Variants in EPHA6 observed in about 807,000 individuals in gnomAD.
The protein encoded by EPHA6 is EPH receptor A6.
A neutral mutation model predicts 112.0 loss-of-function variants in EPHA6; 50 were observed. The ratio of observed to expected loss-of-function variants is 0.45; its 90% CI spans 0.36 to 0.56. The LOEUF is 0.56. Among genes scored for constraint, EPHA6 ranks in the 20% least tolerant of loss-of-function variants. The pLI is 0.00. For synonymous variants in EPHA6, 529 were observed against 490.7 expected (o/e 1.08, Z -1.03); for missense variants, 1,280 against 1,417.4 (o/e 0.90, Z 1.56).
At position 97,753,419 on chromosome 3, in the gene EPHA6, C is replaced by G; in HGVS notation, c.*4718C>G. Among the ~76,000 whole-genome samples, 1 of 152,114 alleles carries G rather than the reference C, an allele frequency of 6.6e-6. No homozygotes were observed. On this transcript the variant is annotated 3_prime_UTR_variant, in exon 18 of 18. Coordinates refer to ENST00000389672, the MANE Select transcript of EPHA6 (RefSeq NM_001080448.3). ...AAATGGAAAGAAATATTTTGGACCTCAAATTCTCATAGTATTCTTCCGAAA... is the reference window on the plus strand; with the variant it reads ...AAATGGAAAGAAATATTTTGGACCTGAAATTCTCATAGTATTCTTCCGAAA...
intron 3 of EPHA6, among the ~76,000 whole-genome samples, chr3:97,101,622 C>G (rs2047406466): frequency 6.6e-6 from 1 of 151,970 alleles, no homozygotes; most frequent in South Asian, 2.1e-4. Flanking sequence ...AGGGATACAC[C>G]TGAGCACTGA....
intron 5 of EPHA6, among the ~76,000 whole-genome samples, chr3:97,371,862 G>T (rs2085077264): frequency 6.6e-6 from 1 of 152,120 alleles, no homozygotes. Context: ...GTACATAAGG[G>T]ATGAAATAAG....
chr3:97,615,346 G>A (rs1273968044), intron 13 of EPHA6, among the ~76,000 whole-genome samples: 2 of 152,124 alleles, frequency 1.3e-5, no homozygotes, highest in African/African-American at 4.8e-5. Context: ...ACAGAGTCCT[G>A]GGAGCTTTAT....
intron 14 of EPHA6, among the ~76,000 whole-genome samples, chr3:97,678,761 T>G (rs9845818): frequency 0.011 from 1,713 of 152,318 alleles, 33 homozygotes; most frequent in African/African-American, 0.038. Flanking sequence ...AAAATTATGA[T>G]TATTACTTTT....
intron 5 of EPHA6, among the ~76,000 whole-genome samples, chr3:97,248,922 C>A (rs1576766457): frequency 6.6e-6 from 1 of 151,960 alleles, no homozygotes; most frequent in African/African-American, 2.4e-5. Context: ...TGTAAACATT[C>A]ATTTGTCTTT....
At position 96,820,090 on chromosome 3, in the gene EPHA6, G is replaced by C. The variant is rs139815076; in HGVS notation, c.385+5082G>C. Among the ~76,000 whole-genome samples, 300 of 152,154 alleles carry C rather than the reference G, an allele frequency of 2.0e-3. 3 individuals carry two copies. Among genetic ancestry groups the C allele is most frequent in the African/African-American group, 6.8e-3 (281 of 41,536 alleles). Reference sequence around the variant, plus strand: ...CATATAGTGGAAACTGACTGAGCAAGGGTCTCGAAGAGAAATGAGCTTGAC... The same window carrying C: ...CATATAGTGGAAACTGACTGAGCAACGGTCTCGAAGAGAAATGAGCTTGAC... On this transcript the variant is annotated intron_variant, in intron 1 of 17. Transcript: ENST00000389672.
At chr3:97,005,548 C>A (rs2107921101) in intron 3 of EPHA6, among the ~76,000 whole-genome samples, 1 of 152,190 alleles carries the variant, frequency 6.6e-6, no homozygotes, top group Middle Eastern at 3.4e-3. Flanking sequence ...AATATAAAAT[C>A]ATGTCGTCTA....
chr3:96,896,914 A>T (rs1049237276), intron 2 of EPHA6, among the ~76,000 whole-genome samples: 1 of 152,186 alleles, frequency 6.6e-6, no homozygotes, highest in Non-Finnish European at 1.5e-5. Context: ...TTCTTAAAAA[A>T]GTTACCACAA....
intron 5 of EPHA6, among the ~76,000 whole-genome samples, chr3:97,290,022 T>G (rs2080621033): frequency 6.6e-6 from 1 of 152,118 alleles, no homozygotes; most frequent in African/African-American, 2.4e-5. Context: ...TTCTTCTTCT[T>G]TATCTAGTTT....
intron 3 of EPHA6, among the ~76,000 whole-genome samples, chr3:97,048,490 T>G (rs1393708481): frequency 1.3e-5 from 2 of 152,180 alleles, no homozygotes; most frequent in Non-Finnish European, 2.9e-5. Context: ...GAATTGAATG[T>G]AATTGAACAT....
At chr3:97,658,897 A>T (rs886797343) in intron 14 of EPHA6, among the ~76,000 whole-genome samples, 1 of 151,934 alleles carries the variant, frequency 6.6e-6, no homozygotes, top group Non-Finnish European at 1.5e-5. Flanking sequence ...GGAACCCAGG[A>T]CATTTGGAAA....
At chr3:97,606,491 T>G (rs989916489) in intron 12 of EPHA6, among the ~76,000 whole-genome samples, 5 of 151,246 alleles carry the variant, frequency 3.3e-5, no homozygotes, top group Non-Finnish European at 5.9e-5. Context: ...CAAAAGGGTT[T>G]CAAACCTGGA....
At chr3:97,503,686 C>T (rs552330670) in intron 10 of EPHA6, among the ~76,000 whole-genome samples, 10 of 152,254 alleles carry the variant, frequency 6.6e-5, no homozygotes, top group South Asian at 2.1e-4. Flanking sequence ...CTAATTTTGT[C>T]GCCATTCCCC....
intron 14 of EPHA6, among the ~76,000 whole-genome samples, chr3:97,711,687 G>T (rs2033975285): frequency 6.6e-6 from 1 of 152,114 alleles, no homozygotes; most frequent in African/African-American, 2.4e-5. Context: ...CCACTCTTTT[G>T]TTCTATCTGG....
intron 2 of EPHA6, among the ~76,000 whole-genome samples, chr3:96,933,342 TTTAA>T (rs766733634): frequency 5.9e-5 from 9 of 152,224 alleles, no homozygotes; most frequent in Non-Finnish European, 8.8e-5. Context: ...TAACAATATA[TTTAA>T]TTATTGTATT....
intron 2 of EPHA6, among the ~76,000 whole-genome samples, chr3:96,946,280 C>T (rs1226019865): frequency 2.6e-5 from 4 of 151,938 alleles, no homozygotes; most frequent in Admixed American, 6.6e-5. Flanking sequence ...CCGAGTAACT[C>T]GTCATTTACA....
At chr3:97,599,304 C>A (rs2093623162) in intron 12 of EPHA6, among the ~76,000 whole-genome samples, 1 of 150,834 alleles carries the variant, frequency 6.6e-6, no homozygotes, top group East Asian at 1.9e-4. Flanking sequence ...TCTTTTGTTG[C>A]CATTGCTTTT....
At chr3:97,228,860 C>T (rs1390223604) in intron 4 of EPHA6, among the ~76,000 whole-genome samples, 1 of 152,176 alleles carries the variant, frequency 6.6e-6, no homozygotes, top group South Asian at 2.1e-4. Context: ...GTTTGCTTTT[C>T]ACCACATCCA....
intron 3 of EPHA6, among the ~76,000 whole-genome samples, chr3:97,138,922 G>A (rs1012365985): frequency 6.6e-6 from 1 of 152,290 alleles, no homozygotes; most frequent in Non-Finnish European, 1.5e-5. Flanking sequence ...TGGATTTGGG[G>A]TGTGAAACCT....
Sources: gnomAD v4.1 joint callset for allele counts (sites outside exome capture counted in the v4.1 genomes callset) on GRCh38, gnomAD v4.1.1 for gene constraint, MANE v1.5 for transcripts, NCBI Gene and HGNC (gene_info 2026-07-23, HGNC 2026-07-21) for gene names.